ATP10A: variants seen among roughly 807,000 people sequenced by gnomAD.
ATP10A encodes the protein phospholipid-transporting ATPase VA.
Under a neutral mutation model 147.8 loss-of-function variants are expected in ATP10A, and 111 were observed. That is an observed-to-expected ratio of 0.75 (90% CI 0.64 to 0.88). ATP10A has a LOEUF of 0.88. Ranked by LOEUF, ATP10A falls within the 40% of genes least tolerant of loss-of-function variation. The pLI, the probability that ATP10A is intolerant of heterozygous loss-of-function variation, is 0.00. For missense variants in ATP10A, 1,927 were observed against 1,959.0 expected (o/e 0.98, Z 0.31); for synonymous variants, 875 against 841.6 (o/e 1.04, Z -0.69).
chr15:25,840,644 G>T (rs1892773371), intron 1 of ATP10A, among the ~76,000 whole-genome samples: 1 of 152,082 alleles, frequency 6.6e-6, no homozygotes, highest in Non-Finnish European at 1.5e-5. Context: ...CTCTGTGAAT[G>T]TAAGTTCTCA....
At position 25,846,559 on chromosome 15, in the gene ATP10A, G is replaced by A. The variant is rs143763207; in HGVS notation, c.449+16089C>T. ...AGGGCCACCCCTGGGCATGAGGGTA[G>A]ACCATGGTGGTGGTCCCACACTGCT... is the stretch of plus-strand genomic sequence containing the variant. On this transcript the variant is annotated intron_variant, in intron 1 of 20. Coordinates refer to ENST00000555815, the MANE Select transcript of ATP10A (RefSeq NM_024490.4). Among the ~76,000 whole-genome samples the A allele has an allele frequency of 3.0e-3, 458 of 152,294 alleles. 7 individuals are homozygous for A. The highest frequency in any genetic ancestry group is 0.011 in the African/African-American group (438 of 41,564).
Position 25,721,871 on chromosome 15 carries a change from A to G in ATP10A, c.1149T>C (p.Ile383=), listed in dbSNP as rs775416160. 1 of 1,613,984 alleles carries G rather than the reference A, an allele frequency of 6.2e-7. No homozygotes were observed. Among genetic ancestry groups the G allele is most frequent in the Non-Finnish European group, 8.5e-7 (1 of 1,179,864 alleles). ...TGAAGTACACTTGGCATGCTTTAACAATTTCAATGGAAACGTATAAGGAAA... is the reference window on the plus strand; with the variant it reads ...TGAAGTACACTTGGCATGCTTTAACGATTTCAATGGAAACGTATAAGGAAA... ...IPISLYVSIE[I]VKACQVYFIN... Residue 383 remains isoleucine, a synonymous_variant, in exon 7 of 21, where the codon ATT becomes ATC. Coordinates refer to ENST00000555815, the MANE Select transcript of ATP10A (RefSeq NM_024490.4).
chr15:25,781,076 G>C lies in ATP10A; in HGVS notation c.597C>G (p.Asn199Lys). The change falls in exon 2 of 21, where the codon AAC (asparagine) becomes AAG (lysine). Residue 199 changes from asparagine to lysine, a missense_variant. By Grantham distance (94) the Asn-to-Lys change is moderately conservative. Transcript: ENST00000555815. ...PDGLCHIETA[N>K]LDGETNLKRR... ...GCTTCAGGTTGGTCTCTCCATCCAG[G>C]TTGGCGGTCTCGATGTGGCATAGCC... 6.2e-7 allele frequency: 1 copy of C among 1,614,206 alleles called. No homozygotes were observed. Among genetic ancestry groups the C allele is most frequent in the Non-Finnish European group, 8.5e-7 (1 of 1,180,036 alleles).
At chr15:25,788,231 G>T (rs575616072) in intron 1 of ATP10A, among the ~76,000 whole-genome samples, 1 of 152,298 alleles carries the variant, frequency 6.6e-6, no homozygotes, top group South Asian at 2.1e-4. Context: ...ATTAACGAGG[G>T]TGCTTCACAT....
intron 2 of ATP10A, among the ~76,000 whole-genome samples, chr15:25,754,844 T>A (rs1211722140): frequency 6.6e-6 from 1 of 152,172 alleles, no homozygotes. Context: ...AAACTGTTTA[T>A]TGAAGAAGTG....
intron 1 of ATP10A, among the ~76,000 whole-genome samples, chr15:25,783,388 T>C (rs759160314): frequency 3.3e-5 from 5 of 152,116 alleles, no homozygotes; most frequent in African/African-American, 7.2e-5. Flanking sequence ...CCCTGAGCAT[T>C]GGATGAGAAG....
intron 16 of ATP10A, among the ~76,000 whole-genome samples, chr15:25,684,248 T>G (rs973364340): frequency 2.0e-4 from 30 of 152,194 alleles, no homozygotes; most frequent in Admixed American, 8.5e-4. Context: ...ATTGCTAGAT[T>G]CCTGAATATC....
chr15:25,779,025 C>T (rs756943976), intron 2 of ATP10A, among the ~76,000 whole-genome samples: 2 of 152,062 alleles, frequency 1.3e-5, no homozygotes, highest in Non-Finnish European at 2.9e-5. Flanking sequence ...TACAGGCATG[C>T]GCCACCACGC....
chr15:25,856,204 T>C (rs566809823), intron 1 of ATP10A, among the ~76,000 whole-genome samples: 1 of 152,206 alleles, frequency 6.6e-6, no homozygotes, highest in Non-Finnish European at 1.5e-5. Context: ...CAGGACCAGG[T>C]TGAGGTAACT....
At chr15:25,789,702 A>T (rs1890324745) in intron 1 of ATP10A, among the ~76,000 whole-genome samples, 1 of 152,178 alleles carries the variant, frequency 6.6e-6, no homozygotes, top group African/African-American at 2.4e-5. Flanking sequence ...GAGAAGTAGA[A>T]AGCCCAGAAT....
chr15:25,771,053 G>C (rs564377788), intron 2 of ATP10A, among the ~76,000 whole-genome samples: 2 of 152,134 alleles, frequency 1.3e-5, no homozygotes, highest in African/African-American at 4.8e-5. Flanking sequence ...GTTTATAAGC[G>C]GTAGTGGTTT....
At chr15:25,803,166 A>G (rs11630498) in intron 1 of ATP10A, among the ~76,000 whole-genome samples, 41,212 of 151,942 alleles carry the variant, frequency 0.27, 6,612 homozygotes, top group African/African-American at 0.45. Context: ...GAGACGGGTA[A>G]TAAGCAGACA....
At position 25,706,270 on chromosome 15, in the gene ATP10A, C is replaced by T. The variant is rs182183080; in HGVS notation, c.2575+1706G>A. On this transcript the variant is annotated intron_variant, in intron 12 of 20. Transcript: ENST00000555815. Reference sequence around the variant, plus strand: ...CGGGCCAAGAGAGGTGACCGATGCACGATCACCAGAGAAAGCCTGCAGAGG... The same window carrying T: ...CGGGCCAAGAGAGGTGACCGATGCATGATCACCAGAGAAAGCCTGCAGAGG... Among the ~76,000 whole-genome samples, 22 of 152,236 alleles carry T rather than the reference C, an allele frequency of 1.4e-4. No individual in the cohort carries two copies. In the East Asian group the frequency reaches 3.7e-3, roughly 25 times the overall value.
intron 2 of ATP10A, among the ~76,000 whole-genome samples, chr15:25,780,498 G>A (rs1181961157): frequency 3.3e-5 from 5 of 152,288 alleles, no homozygotes; most frequent in South Asian, 2.1e-4. Flanking sequence ...CAATGGAGTC[G>A]GTGTGTGCAG....
chr15:25,708,182 G>C lies in ATP10A; in HGVS notation c.2448+15C>G, dbSNP rs372464128. ...CCACCTGCACGTGCACCCTCGCGGA[G>C]ACACCCCCACTCACTCTCTTGGCGA... On this transcript the variant is annotated intron_variant, in intron 11 of 20. Transcript: ENST00000555815. The C allele has an allele frequency of 6.5e-4, 1,043 of 1,614,076 alleles. 2 individuals are homozygous for C. Among genetic ancestry groups the C allele is most frequent in the Non-Finnish European group, 5.4e-4 (639 of 1,180,016 alleles).
At chr15:25,816,862 T>C (rs1891677405) in intron 1 of ATP10A, among the ~76,000 whole-genome samples, 1 of 152,036 alleles carries the variant, frequency 6.6e-6, no homozygotes, top group South Asian at 2.1e-4. Flanking sequence ...AAATCTGGCA[T>C]AAAAATGGAT....
chr15:25,705,440 C>CAA (rs67294220), intron 12 of ATP10A, among the ~76,000 whole-genome samples: 7 of 86,198 alleles, frequency 8.1e-5, no homozygotes, highest in African/African-American at 1.5e-4. Context: ...TGTCTCAAAG[C>CAA]AAAAAAAAAA....
intron 1 of ATP10A, among the ~76,000 whole-genome samples, chr15:25,855,104 T>C (rs770697455): frequency 1.3e-4 from 19 of 148,182 alleles, no homozygotes; most frequent in African/African-American, 4.2e-4. Flanking sequence ...AGTGGAAACA[T>C]GGAAACACTC....
chr15:25,759,968 ATT>A (rs11343295), intron 2 of ATP10A, among the ~76,000 whole-genome samples: 43 of 147,160 alleles, frequency 2.9e-4, no homozygotes, highest in African/African-American at 5.7e-4. Context: ...TGATCATGTA[ATT>A]TTTTTTTTTT....
Sources: gnomAD v4.1 joint callset for allele counts (sites outside exome capture counted in the v4.1 genomes callset) on GRCh38, gnomAD v4.1.1 for gene constraint, MANE v1.5 for transcripts, NCBI Gene and HGNC (gene_info 2026-07-23, HGNC 2026-07-21) for gene names.